HCRTR1: variants seen among roughly 807,000 people sequenced by gnomAD.
HCRTR1 encodes orexin/Hypocretin receptor type 1.
HCRTR1 carries 28 observed loss-of-function variants against 40.6 expected under a neutral mutation model. The observed-to-expected ratio is 0.69, with a 90% CI of 0.51 to 0.95. HCRTR1 has a LOEUF of 0.95. HCRTR1 is among the 40% of genes least tolerant of loss of function. The pLI is 0.00. For synonymous variants in HCRTR1, 209 were observed against 230.0 expected, an observed-to-expected ratio of 0.91 and a Z score of 0.83; for missense variants, 482 against 564.7, an observed-to-expected ratio of 0.85 and a Z score of 1.48.
chr1:31,623,451 A>G lies in HCRTR1; in HGVS notation c.739-72A>G. ...CCCTGCCCGGGGTCCAGCCTGGAGTAGGCCCCACAAAAGGCAACCACCCTC... is the reference window on the plus strand; with the variant it reads ...CCCTGCCCGGGGTCCAGCCTGGAGTGGGCCCCACAAAAGGCAACCACCCTC... On this transcript the variant is annotated intron_variant, in intron 6 of 8. Coordinates refer to ENST00000403528, the MANE Select transcript of HCRTR1 (RefSeq NM_001525.3). 3 of 1,307,672 alleles carry G rather than the reference A, an allele frequency of 2.3e-6. No individual in the cohort carries two copies. The East Asian group carries it at 7.3e-5, about 32-fold the overall frequency. 81.0% of individuals were successfully genotyped at this position (1,307,672 alleles called of 1,614,324 possible). A position where few individuals can be genotyped will look rare whatever the true frequency, so the allele number is the denominator to read the frequency against.
At position 31,626,681 on chromosome 1, in the gene HCRTR1, C is replaced by CCCCCCCCCCAAG; in HGVS notation, c.1088-109_1088-108insCCCCCCCCCAAG. 8.2e-7 allele frequency: 1 copy of CCCCCCCCCCAAG among 1,222,318 alleles called. No homozygotes were observed. The highest frequency in any genetic ancestry group is 1.1e-6 in the Non-Finnish European group (1 of 894,098). The allele number at this position is 1,222,318 out of a possible 1,614,324, so 75.7% of individuals were successfully genotyped here. ...CCAGCTCTATCCCTCCCTCCCTCCC[C>CCCCCCCCCCAAG]GCCCCCTCATAGGCAGCTTGGCTGG... On this transcript the variant is annotated intron_variant, in intron 8 of 8. Transcript: ENST00000403528. This position sits in a 1 kb window ranked among gnomAD's most constrained non-coding sequence, Gnocchi z 4.6.
chr1:31,619,551 G>A lies in HCRTR1; in HGVS notation c.219G>A (p.Arg73=). Residue 73 remains arginine (R), a synonymous_variant, in exon 4 of 9, where the codon CGG becomes CGA. Coordinates refer to ENST00000403528, the MANE Select transcript of HCRTR1 (RefSeq NM_001525.3). ...GNTLVCLAVW[R]NHHMRTVTNY... ...CTGCAGTCTGCCTGGCCGTGTGGCG[G>A]AACCACCACATGAGGACAGTCACCA... 6.2e-7 allele frequency: 1 copy of A among 1,614,036 alleles called. No individual in the cohort carries two copies. The highest frequency in any genetic ancestry group is 1.1e-5 in the South Asian group (1 of 91,076).
chr1:31,627,685 GGGGGA>G, downstream of HCRTR1: 1 of 278,322 alleles, frequency 3.6e-6, no homozygotes, highest in South Asian at 3.4e-5. Flanking sequence ...GGGGAAGCTG[GGGGGA>G]GGGAAGACAA....
chr1:31,624,249 A>C (rs1639925505), intron 7 of HCRTR1, among the ~76,000 whole-genome samples: 1 of 152,164 alleles, frequency 6.6e-6, no homozygotes, highest in South Asian at 2.1e-4. Flanking sequence ...GCTTGAGGCC[A>C]GGAGTTCAAG....
chr1:31,618,805 T>C lies in HCRTR1; in HGVS notation c.-154T>C. 1 of 226,814 alleles carries C rather than the reference T, an allele frequency of 4.4e-6. No homozygotes were observed. The highest frequency in any genetic ancestry group is 8.7e-6 in the Non-Finnish European group (1 of 114,990). 14.1% of individuals were successfully genotyped at this position (226,814 alleles called of 1,614,324 possible). A position where few individuals can be genotyped will look rare whatever the true frequency, so the allele number is the denominator to read the frequency against. On this transcript the variant is annotated 5_prime_UTR_variant, in exon 2 of 9. Coordinates refer to ENST00000403528, the MANE Select transcript of HCRTR1 (RefSeq NM_001525.3). Reference sequence around the variant, plus strand: ...CATCGGAGCTCATTACTCCTCATCGTGGTCCTGTAAGGTATGTAGGGCTGT... The same window carrying C: ...CATCGGAGCTCATTACTCCTCATCGCGGTCCTGTAAGGTATGTAGGGCTGT...
downstream of HCRTR1, chr1:31,630,468 C>T: frequency 1.2e-6 from 1 of 868,248 alleles, no homozygotes; most frequent in Non-Finnish European, 1.8e-6. Flanking sequence ...CAGGACTCTC[C>T]ACCCTCTTTT....
In HCRTR1 at chr1:31,620,832, C is replaced by T. The variant is rs200800396; in HGVS notation, c.379-11C>T. The T allele has an allele frequency of 1.9e-6, 3 of 1,611,402 alleles. No individual in the cohort carries two copies. Among genetic ancestry groups the T allele is most frequent in the Non-Finnish European group, 2.5e-6 (3 of 1,178,474 alleles). On this transcript the variant is annotated splice_polypyrimidine_tract_variant and intron_variant, in intron 4 of 8. Coordinates refer to ENST00000403528, the MANE Select transcript of HCRTR1 (RefSeq NM_001525.3). ...CCCCAAAATGACCGACGTTGTGTCCCCGTGGGGCAGGCTGTGTCCGTGTCA... is the reference window on the plus strand; with the variant it reads ...CCCCAAAATGACCGACGTTGTGTCCTCGTGGGGCAGGCTGTGTCCGTGTCA...
rs200222372 is a variant in HCRTR1, at chr1:31,625,030, C to T, written c.999C>T (p.Arg333=). The T allele has an allele frequency of 2.0e-5, 33 of 1,611,190 alleles. No homozygotes were observed. Among genetic ancestry groups the T allele is most frequent in the African/African-American group, 5.3e-5 (4 of 74,880 alleles). ...GGATGTTCCGCCAAGCCAGTGACCG[C>T]GAAGCTGTCTACGCCTGCTTCACCT... The part of the protein sequence containing the change: ...VFGMFRQASD[R]EAVYACFTFS... Residue 333 remains arginine (R), a synonymous_variant, in exon 8 of 9, where the codon CGC becomes CGT. Coordinates refer to ENST00000403528, the MANE Select transcript of HCRTR1 (RefSeq NM_001525.3). The surrounding 1 kb of genome is among the most constrained non-coding windows in gnomAD (Gnocchi z 4.2).
At chr1:31,621,850 C>A (rs1252613468) in intron 6 of HCRTR1, among the ~76,000 whole-genome samples, 1 of 152,214 alleles carries the variant, frequency 6.6e-6, no homozygotes, top group Non-Finnish European at 1.5e-5. Context: ...ATCTTGCATC[C>A]TCTTAGCCAC....
In HCRTR1 at chr1:31,626,524, G is replaced by A. The variant is rs919724722; in HGVS notation, c.1088-266G>A. On this transcript the variant is annotated intron_variant, in intron 8 of 8. Transcript: ENST00000403528. The surrounding 1 kb of genome is among the most constrained non-coding windows in gnomAD (Gnocchi z 4.6). ...CTGAGGCCCCCGAGCCAGACACCAC[G>A]TTTTGAGTCAGCCTCCGAGCCAGAG... Among the ~76,000 whole-genome samples the A allele has an allele frequency of 6.6e-6, 1 of 152,164 alleles. No homozygotes were observed. Among genetic ancestry groups the A allele is most frequent in the African/African-American group, 2.4e-5 (1 of 41,440 alleles).
At chr1:31,633,657 G>A (rs1018125835), downstream of HCRTR1, among the ~76,000 whole-genome samples, 10 of 152,156 alleles carry the variant, frequency 6.6e-5, no homozygotes, top group Admixed American at 1.3e-4. Flanking sequence ...ATGGGTGGTA[G>A]ATAAAAGTGT....
In HCRTR1 at chr1:31,619,526, C is replaced by G; in HGVS notation, c.200-6C>G. The G allele has an allele frequency of 6.2e-7, 1 of 1,613,986 alleles. No homozygotes were observed. Among genetic ancestry groups the G allele is most frequent in the Admixed American group, 1.7e-5 (1 of 60,008 alleles). Reference sequence around the variant, plus strand: ...GCCACCAGCTTCACCTCGCTGCACCCTGCAGTCTGCCTGGCCGTGTGGCGG... The same window carrying G: ...GCCACCAGCTTCACCTCGCTGCACCGTGCAGTCTGCCTGGCCGTGTGGCGG... On this transcript the variant is annotated splice_region_variant and splice_polypyrimidine_tract_variant and intron_variant, in intron 3 of 8. Coordinates refer to ENST00000403528, the MANE Select transcript of HCRTR1 (RefSeq NM_001525.3).
chr1:31,626,799 G>A lies in HCRTR1; in HGVS notation c.1097G>A (p.Arg366Gln), dbSNP rs202193411. The change falls in exon 9 of 9, where the codon CGG (arginine) becomes CAG (glutamine). Residue 366 changes from arginine (R) to glutamine (Q), a missense_variant. Physicochemically the swap from Arg to Gln is conservative, Grantham distance 43. Coordinates refer to ENST00000403528, the MANE Select transcript of HCRTR1 (RefSeq NM_001525.3). This position sits in a 1 kb window ranked among gnomAD's most constrained non-coding sequence, Gnocchi z 4.6. ...IIYNFLSGKFREQFKAAFSCC... is the reference protein window; with the variant it reads ...IIYNFLSGKFQEQFKAAFSCC... ...TTGTCTCCCAACCAAGGCAAATTCCGGGAGCAGTTTAAGGCTGCCTTCTCC... is the reference window on the plus strand; with the variant it reads ...TTGTCTCCCAACCAAGGCAAATTCCAGGAGCAGTTTAAGGCTGCCTTCTCC... The A allele has an allele frequency of 3.3e-5, 54 of 1,612,906 alleles. No individual in the cohort carries two copies. Among genetic ancestry groups the A allele is most frequent in the South Asian group, 4.4e-5 (4 of 90,948 alleles).
downstream of HCRTR1, among the ~76,000 whole-genome samples, chr1:31,627,885 G>A (rs568280456): frequency 2.0e-5 from 3 of 152,226 alleles, no homozygotes; most frequent in African/African-American, 7.2e-5. Context: ...GGAAGGTAAG[G>A]GGGGCCGGGT....
At chr1:31,633,094 C>G (rs1165604144), downstream of HCRTR1, 5 of 1,536,322 alleles carry the variant, frequency 3.3e-6, no homozygotes, top group Non-Finnish European at 4.4e-6. Context: ...CCCACCTACC[C>G]ACCTACTGTC....
At chr1:31,621,125 G>C in intron 5 of HCRTR1, 39 bp downstream of exon 5, 1 of 1,580,394 alleles carries the variant, frequency 6.3e-7, no homozygotes. Context: ...CCCTCAGGTG[G>C]GCACTTTGGG....
intron 5 of HCRTR1, 44 bp downstream of exon 5, chr1:31,621,130 T>C (rs775688884): frequency 1.3e-5 from 21 of 1,576,380 alleles, no homozygotes; most frequent in Non-Finnish European, 1.8e-5. Flanking sequence ...AGGTGGGCAC[T>C]TTGGGAGCAC....
chr1:31,622,098 C>T (rs1377971056), intron 6 of HCRTR1, among the ~76,000 whole-genome samples: 10 of 152,206 alleles, frequency 6.6e-5, no homozygotes, highest in African/African-American at 1.2e-4. Flanking sequence ...ACATTACCCA[C>T]GTCACAAATG....
chr1:31,628,618 G>A (rs1052958029), downstream of HCRTR1, among the ~76,000 whole-genome samples: 2 of 152,228 alleles, frequency 1.3e-5, no homozygotes, highest in East Asian at 1.9e-4. Context: ...TGGCACCATC[G>A]GGTTTCAGCA....
Sources: gnomAD v4.1 joint callset for allele counts (sites outside exome capture counted in the v4.1 genomes callset) on GRCh38, gnomAD v4.1.1 for gene constraint, Gnocchi (gnomAD v3.1) non-coding constraint, MANE v1.5 for transcripts, NCBI Gene and HGNC (gene_info 2026-07-23, HGNC 2026-07-21) for gene names.